GRIK2: variants seen among roughly 807,000 people sequenced by gnomAD.
GRIK2 encodes glutamate receptor ionotropic, kainate 2.
A neutral mutation model predicts 100.3 loss-of-function variants in GRIK2; 32 were observed. The observed-to-expected ratio is 0.32, with a 90% confidence interval of 0.24 to 0.43. The LOEUF is 0.43. GRIK2 is among the 20% of genes least tolerant of loss of function. GRIK2 has a pLI of 1.00. For synonymous variants in GRIK2, 417 were observed against 389.4 expected (o/e 1.07, Z -0.83); for missense variants, 843 against 1,114.9 (o/e 0.76, Z 3.47).
chr6:101,582,937 C>G (rs192204303), intron 2 of GRIK2, among the ~76,000 whole-genome samples: 162 of 152,190 alleles, frequency 1.1e-3, no homozygotes, highest in African/African-American at 3.8e-3. Flanking sequence ...CTGTGAATAG[C>G]CTGTTGTGGA....
intron 2 of GRIK2, among the ~76,000 whole-genome samples, chr6:101,573,318 G>C (rs1388641252): frequency 6.6e-6 from 1 of 152,118 alleles, no homozygotes; most frequent in African/African-American, 2.4e-5. Flanking sequence ...CTTGGGGTTG[G>C]TTAGACTACT....
At chr6:101,921,078 G>T (rs557472143) in intron 12 of GRIK2, among the ~76,000 whole-genome samples, 1 of 152,000 alleles carries the variant, frequency 6.6e-6, no homozygotes, top group Admixed American at 6.6e-5. Flanking sequence ...AAATGAAAAA[G>T]ACATTCTAGA....
At chr6:101,398,936 T>C (rs1775127087) in intron 1 of GRIK2, 49 bp from the exon 2 acceptor site, 1 of 429,400 alleles carries the variant, frequency 2.3e-6, no homozygotes, top group Admixed American at 4.2e-5. Context: ...TCTCGTCCGT[T>C]ACCAAGGCTG....
At chr6:101,646,840 G>A (rs947317717) in intron 4 of GRIK2, among the ~76,000 whole-genome samples, 2 of 151,874 alleles carry the variant, frequency 1.3e-5, no homozygotes, top group African/African-American at 4.8e-5. Flanking sequence ...GAGAGGAAAG[G>A]AGAGATGAAC....
rs190817438 is a variant in GRIK2 at position 101,953,355 on chromosome 6, G to C, written c.2085+24723G>C. ...GGAAAATCAAACTACTTTCTAAATG[G>C]CTGCACAATTTTACATTGCCTTTAG... On this transcript the variant is annotated intron_variant, in intron 14 of 16. Transcript: ENST00000369134. Among the ~76,000 whole-genome samples, 247 of 152,162 alleles carry C rather than the reference G, an allele frequency of 1.6e-3. 1 individual carries two copies. The highest frequency in any genetic ancestry group is 5.3e-3 in the African/African-American group (219 of 41,518).
chr6:101,690,333 A>G (rs1174127351), intron 7 of GRIK2, among the ~76,000 whole-genome samples: 1 of 152,190 alleles, frequency 6.6e-6, no homozygotes, highest in Non-Finnish European at 1.5e-5. Context: ...GGGTTTCTAT[A>G]GGGATATTAC....
At chr6:101,439,117 C>T (rs1769900947) in intron 2 of GRIK2, among the ~76,000 whole-genome samples, 1 of 152,150 alleles carries the variant, frequency 6.6e-6, no homozygotes, top group South Asian at 2.1e-4. Flanking sequence ...CAGTGACCAT[C>T]TGTCTGGTGC....
In GRIK2 at chr6:101,419,424, C is replaced by T. The variant is rs77359637; in HGVS notation, c.115+20032C>T. 5.0e-3 allele frequency among the ~76,000 whole-genome samples: 756 copies of T among 152,214 alleles called. 22 individuals carry two copies. Among genetic ancestry groups the T allele is most frequent in the Admixed American group, 0.042 (646 of 15,276 alleles). On this transcript the variant is annotated intron_variant, in intron 2 of 16. Transcript: ENST00000369134. ...GGAACATACAAAGGTGGCTGAGGTC[C>T]TGAGAGAGAGATTCTCTACAGCTAC...
intron 2 of GRIK2, among the ~76,000 whole-genome samples, chr6:101,536,137 T>G (rs1477362070): frequency 6.6e-6 from 1 of 151,658 alleles, no homozygotes; most frequent in Non-Finnish European, 1.5e-5. Context: ...AAAAAAGTTT[T>G]TTTGTGTATG....
intron 2 of GRIK2, among the ~76,000 whole-genome samples, chr6:101,483,279 G>A (rs1772632006): frequency 6.6e-6 from 1 of 152,166 alleles, no homozygotes; most frequent in Non-Finnish European, 1.5e-5. Flanking sequence ...GACAGAGGAA[G>A]TGCAAGGCAA....
At chr6:101,586,814 C>A (rs1778385977) in intron 2 of GRIK2, among the ~76,000 whole-genome samples, 1 of 146,956 alleles carries the variant, frequency 6.8e-6, no homozygotes, top group Admixed American at 7.0e-5. Context: ...TGCTTGAACC[C>A]AGGAGGCAGA....
intron 7 of GRIK2, among the ~76,000 whole-genome samples, chr6:101,791,871 C>A (rs1032452227): frequency 4.0e-5 from 6 of 151,580 alleles, no homozygotes; most frequent in Non-Finnish European, 5.9e-5. Flanking sequence ...TCAGGACTTG[C>A]TTTATGAATC....
intron 2 of GRIK2, among the ~76,000 whole-genome samples, chr6:101,432,214 A>G (rs1482663931): frequency 6.6e-6 from 1 of 151,912 alleles, no homozygotes; most frequent in Non-Finnish European, 1.5e-5. Flanking sequence ...TCCATATTTT[A>G]TATTTTATAT....
intron 2 of GRIK2, among the ~76,000 whole-genome samples, chr6:101,502,000 A>C (rs1427535450): frequency 6.6e-6 from 1 of 152,132 alleles, no homozygotes; most frequent in African/African-American, 2.4e-5. Context: ...TGGCCTCCCA[A>C]AGTGCTGGGA....
intron 10 of GRIK2, among the ~76,000 whole-genome samples, chr6:101,857,176 T>C (rs1253827318): frequency 2.6e-5 from 4 of 151,982 alleles, no homozygotes; most frequent in Non-Finnish European, 5.9e-5. Flanking sequence ...TGTGCCTCTG[T>C]CTCCAAGGGA....
chr6:101,778,574 A>T (rs534938801), intron 7 of GRIK2, among the ~76,000 whole-genome samples: 1 of 152,280 alleles, frequency 6.6e-6, no homozygotes, highest in African/African-American at 2.4e-5. Flanking sequence ...AAGTTCTCCC[A>T]GTCAAAATTC....
At chr6:101,768,175 T>C (rs1372255058) in intron 7 of GRIK2, among the ~76,000 whole-genome samples, 2 of 152,204 alleles carry the variant, frequency 1.3e-5, no homozygotes, top group African/African-American at 4.8e-5. Flanking sequence ...ATTTTAATAG[T>C]GTTATTTATT....
At chr6:101,403,072 C>T (rs1250536832) in intron 2 of GRIK2, among the ~76,000 whole-genome samples, 1 of 152,210 alleles carries the variant, frequency 6.6e-6, no homozygotes, top group Admixed American at 6.5e-5. Flanking sequence ...CGGCTGTGTG[C>T]CCGGCTGGCC....
Position 102,023,994 on chromosome 6 carries a change from G to T in GRIK2, c.2086-11347G>T, listed in dbSNP as rs576236240. 2.0e-5 allele frequency among the ~76,000 whole-genome samples: 3 copies of T among 151,302 alleles called. 1 individual carries two copies. The East Asian group carries it at 5.9e-4, about 30-fold the overall frequency. ...GGAAAATATTACCGGTAAAGAAACT[G>T]AATAAACAAAGTGGGGAGAAAAAAG... is the stretch of plus-strand genomic sequence containing the variant. On this transcript the variant is annotated intron_variant, in intron 14 of 16. Coordinates refer to ENST00000369134, the MANE Select transcript of GRIK2 (RefSeq NM_021956.5).
Sources: gnomAD v4.1 joint callset for allele counts (sites outside exome capture counted in the v4.1 genomes callset) on GRCh38, gnomAD v4.1.1 for gene constraint, MANE v1.5 for transcripts, NCBI Gene and HGNC (gene_info 2026-07-23, HGNC 2026-07-21) for gene names.